The following TLN1 variants were observed in gnomAD, a reference collection of about 807,000 sequenced individuals.
The protein encoded by TLN1 is talin 1.
Under a neutral mutation model 292.3 loss-of-function variants are expected in TLN1, and 56 were observed. The ratio of observed to expected loss-of-function variants is 0.19; its 90% CI spans 0.15 to 0.24. TLN1 has a LOEUF of 0.24. Among genes scored for constraint, TLN1 ranks in the 10% least tolerant of loss-of-function variants. TLN1 has a pLI of 1.00. For missense variants in TLN1, 2,433 were observed against 3,248.2 expected (o/e 0.75, Z 6.10); for synonymous variants, 1,119 against 1,253.7 (o/e 0.89, Z 2.27).
At chr9:35,722,335 A>C (rs868858077) in intron 8 of TLN1, 112 bp from the exon 9 acceptor site, 1 of 926,778 alleles carries the variant, frequency 1.1e-6, no homozygotes, top group Middle Eastern at 2.1e-4. Flanking sequence ...GGAAAGGTTG[A>C]GGAGTACAAG....
chr9:35,707,542 GGAAGT>G lies in TLN1; in HGVS notation c.4633-59_4633-55del. 2 of 1,600,462 alleles carry G rather than the reference GGAAGT, an allele frequency of 1.2e-6. No individual in the cohort carries two copies. On this transcript the variant is annotated intron_variant, in intron 35 of 56. Transcript: ENST00000314888. The surrounding 1 kb of genome is among the most constrained non-coding windows in gnomAD (Gnocchi z 5.6). ...TTGGGATGCAGTCATAGGGGGTATA[GGAAGT>G]GAAGTCCAGGTCTCCTTCCTGGGAC... is the stretch of plus-strand genomic sequence containing the variant.
intron 48 of TLN1, 93 bp downstream of exon 48, chr9:35,703,467 C>T (rs576693314): frequency 3.3e-6 from 4 of 1,202,764 alleles, no homozygotes; most frequent in African/African-American, 3.0e-5. Flanking sequence ...CTGTGTGTGA[C>T]TCCAGCTGTG....
At position 35,706,696 on chromosome 9, in the gene TLN1, AT is replaced by A; in HGVS notation, c.5088+71del. The A allele has an allele frequency of 6.3e-7, 1 of 1,590,994 alleles. No individual in the cohort carries two copies. Among genetic ancestry groups the A allele is most frequent in the Non-Finnish European group, 8.6e-7 (1 of 1,168,556 alleles). On this transcript the variant is annotated intron_variant, in intron 38 of 56. Transcript: ENST00000314888. This position sits in a 1 kb window ranked among gnomAD's most constrained non-coding sequence, Gnocchi z 4.2. ...GATGTCCCTAAGAAGCCACTCCTTG[AT>A]CCCCCAGCTTCTTTGAGTCTGATAT...
chr9:35,729,522 A>T (rs1174932412), intron 1 of TLN1, among the ~76,000 whole-genome samples: 1 of 152,234 alleles, frequency 6.6e-6, no homozygotes, highest in African/African-American at 2.4e-5. Context: ...CTTTGAGCAG[A>T]GAAGAGACAT....
At position 35,700,347 on chromosome 9, in the gene TLN1, C is replaced by G. The variant is rs1825443065; in HGVS notation, c.6504G>C (p.Lys2168Asn). The change falls in exon 49 of 57, where the codon AAG becomes AAC. Residue 2168 changes from lysine (K) to asparagine (N), a missense_variant. Physicochemically the swap from Lys to Asn is moderately conservative, Grantham distance 94 (BLOSUM62 0). Around this residue, in one of 7 missense-constraint regions of TLN1, gnomAD observed 1,384 missense variants for 1,699.6 expected, o/e 0.81. Coordinates refer to ENST00000314888, the MANE Select transcript of TLN1 (RefSeq NM_006289.4). ...AVFCSPEPPA[K>N]TSTPEDFIRM... ...GGATGAAGTCTTCTGGGGTAGAGGT[C>G]TTGGCAGGTGGCTCTGGGGAACAGA... 5 of 1,604,098 alleles carry G rather than the reference C, an allele frequency of 3.1e-6. No individual in the cohort carries two copies. Among genetic ancestry groups the G allele is most frequent in the Non-Finnish European group, 4.3e-6 (5 of 1,171,714 alleles).
At position 35,710,549 on chromosome 9, in the gene TLN1, C is replaced by T. The variant is rs371297242; in HGVS notation, c.4326+12G>A. ...TAGGGGCCATTCAAAGAACCCATCT[C>T]AGGAAAATAACCTGTGCAGCTGCCT... On this transcript the variant is annotated intron_variant, in intron 33 of 56. Coordinates refer to ENST00000314888, the MANE Select transcript of TLN1 (RefSeq NM_006289.4). 1.1e-5 allele frequency: 18 copies of T among 1,608,866 alleles called. No homozygotes were observed. The highest frequency in any genetic ancestry group is 1.5e-5 in the Non-Finnish European group (18 of 1,176,956).
chr9:35,729,869 GA>G (rs1287021913), intron 1 of TLN1, among the ~76,000 whole-genome samples: 2 of 151,496 alleles, frequency 1.3e-5, no homozygotes, highest in Admixed American at 1.3e-4. Flanking sequence ...AGGCTGTGGG[GA>G]AAAAGGGTAT....
chr9:35,712,950 G>T lies in TLN1; in HGVS notation c.3446C>A (p.Ala1149Asp). 2 of 1,610,410 alleles carry T rather than the reference G, an allele frequency of 1.2e-6. No homozygotes were observed. The highest frequency in any genetic ancestry group is 1.7e-6 in the Non-Finnish European group (2 of 1,178,660). Reference protein sequence around the residue: ...AALTSDPAVQAIVLDTASDVL... With the variant: ...AALTSDPAVQDIVLDTASDVL... ...ATCACTGGCCGTATCAAGTACAATG[G>T]CCTGCACTGCAGGATCTGACGTCAG... Residue 1149 changes from alanine (A) to aspartate (D), a missense_variant, in exon 27 of 57, where the codon GCC (alanine) becomes GAC (aspartate). Transcript: ENST00000314888.
chr9:35,713,290 C>A lies in TLN1; in HGVS notation c.3258G>T (p.Lys1086Asn), dbSNP rs768221303. The change falls in exon 26 of 57, where the codon AAG (lysine) becomes AAT (asparagine). Residue 1086 changes from lysine to asparagine, a missense_variant. Lys to Asn is a moderately conservative substitution (Grantham distance 94). Around this residue, in one of 7 missense-constraint regions of TLN1, gnomAD observed 1,384 missense variants for 1,699.6 expected, o/e 0.81. Coordinates refer to ENST00000314888, the MANE Select transcript of TLN1 (RefSeq NM_006289.4). The stretch of plus-strand genomic sequence containing the variant: ...TGCTGTTGCCCAGGTCCTGGGTACA[C>A]TTCTCCATCTAAGGATGAAGGGGGA... ...LKPLPGETME[K>N]CTQDLGNSTK... 7.6e-6 allele frequency: 12 copies of A among 1,589,020 alleles called. No homozygotes were observed. The Middle Eastern group carries it at 1.7e-3, about 221-fold the overall frequency.
rs1344898063 is a variant in TLN1 at position 35,700,256 on chromosome 9, C to T, written c.6595G>A (p.Glu2199Lys). The T allele has an allele frequency of 2.5e-6, 4 of 1,613,494 alleles. No homozygotes were observed. The South Asian group carries it at 4.4e-5, about 18-fold the overall frequency. Reference sequence around the variant, plus strand: ...AGATTGGCTGTGGCAATGACATCTTCCTGGCGACAGGAATTGCCAGCAGCA... The same window carrying T: ...AGATTGGCTGTGGCAATGACATCTTTCTGGCGACAGGAATTGCCAGCAGCA... The part of the protein sequence containing the change: ...AVAAGNSCRQ[E>K]DVIATANLSR... The change falls in exon 49 of 57, where the codon GAA becomes AAA. Residue 2199 changes from glutamate to lysine, a missense_variant. Transcript: ENST00000314888.
chr9:35,721,087 T>G lies in TLN1; in HGVS notation c.1105-174A>C, dbSNP rs146296932. Among the ~76,000 whole-genome samples the G allele has an allele frequency of 2.6e-5, 4 of 152,198 alleles. No homozygotes were observed. The East Asian group carries it at 5.8e-4, about 22-fold the overall frequency. ...CTTTATTTTCTCCTTGGAGGGAAAT[T>G]TTTTACTTCTGAGGAGTGGCCTCTA... On this transcript the variant is annotated intron_variant, in intron 10 of 56. Coordinates refer to ENST00000314888, the MANE Select transcript of TLN1 (RefSeq NM_006289.4).
At chr9:35,722,393 A>C (rs1010019089) in intron 8 of TLN1, among the ~76,000 whole-genome samples, 170 bp from the exon 9 acceptor site, 1 of 152,248 alleles carries the variant, frequency 6.6e-6, no homozygotes, top group Non-Finnish European at 1.5e-5. Flanking sequence ...AGGGCTATGC[A>C]GAAGCGATGA....
intron 7 of TLN1, 25 bp downstream of exon 7, chr9:35,723,927 A>C (rs1185626911): frequency 6.2e-7 from 1 of 1,612,476 alleles, no homozygotes; most frequent in Admixed American, 1.7e-5. Flanking sequence ...GGGCCCTGAC[A>C]GGGTATAGGA....
intron 30 of TLN1, 69 bp from the exon 31 acceptor site, chr9:35,711,151 A>T (rs1457370234): frequency 1.2e-6 from 2 of 1,610,296 alleles, no homozygotes; most frequent in Non-Finnish European, 8.5e-7. Flanking sequence ...GTAAGTATTT[A>T]TCTTTTGCCT....
Position 35,724,499 on chromosome 9 carries a change from G to A in TLN1, c.511+73C>T. The A allele has an allele frequency of 6.3e-7, 1 of 1,578,920 alleles. No individual in the cohort carries two copies. Among genetic ancestry groups the A allele is most frequent in the African/African-American group, 1.4e-5 (1 of 73,636 alleles). On this transcript the variant is annotated intron_variant, in intron 5 of 56. Coordinates refer to ENST00000314888, the MANE Select transcript of TLN1 (RefSeq NM_006289.4). The surrounding 1 kb of genome is among the most constrained non-coding windows in gnomAD (Gnocchi z 4.7). ...ATCCCCAGGGTGTAAAACAGTGCCTGGCAGAAGCAGATGCTGAAGCCCCTT... is the reference window on the plus strand; with the variant it reads ...ATCCCCAGGGTGTAAAACAGTGCCTAGCAGAAGCAGATGCTGAAGCCCCTT...
In TLN1 at chr9:35,703,801, C is replaced by G; in HGVS notation, c.6331G>C (p.Val2111Leu). The G allele has an allele frequency of 6.2e-7, 1 of 1,614,240 alleles. No individual in the cohort carries two copies. Among genetic ancestry groups the G allele is most frequent in the Non-Finnish European group, 8.5e-7 (1 of 1,180,044 alleles). The part of the protein sequence containing the change: ...AAGKVGDDPA[V>L]WQLKNSAKVM... Reference sequence around the variant, plus strand: ...TTGGCAGAGTTCTTTAGCTGCCACACAGCAGGGTCATCTCCAACTTTGCCA... The same window carrying G: ...TTGGCAGAGTTCTTTAGCTGCCACAGAGCAGGGTCATCTCCAACTTTGCCA... Residue 2111 changes from valine to leucine, a missense_variant, in exon 47 of 57, where the codon GTG (valine) becomes CTG (leucine). Val to Leu is a conservative substitution (Grantham distance 32). Transcript: ENST00000314888.
In TLN1 at chr9:35,719,012, C is replaced by CT. The variant is rs1228516782; in HGVS notation, c.1896+61dup. On this transcript the variant is annotated intron_variant, in intron 16 of 56. Coordinates refer to ENST00000314888, the MANE Select transcript of TLN1 (RefSeq NM_006289.4). The surrounding 1 kb of genome is among the most constrained non-coding windows in gnomAD (Gnocchi z 4.6). The stretch of plus-strand genomic sequence containing the variant: ...CCAGGCTTCCATCCTGTGGCTTGGA[C>CT]TGCCCCTTCTCCTTGGGCTTGAACC... The CT allele has an allele frequency of 6.3e-7, 1 of 1,596,294 alleles. No homozygotes were observed. The highest frequency in any genetic ancestry group is 8.6e-7 in the Non-Finnish European group (1 of 1,167,512).
At chr9:35,723,719 A>G (rs552897983) in intron 7 of TLN1, 3 of 537,960 alleles carry the variant, frequency 5.6e-6, no homozygotes, top group African/African-American at 1.9e-5. Flanking sequence ...AAAGAGTGAC[A>G]TGCTTGCTTC....
Position 35,717,071 on chromosome 9 carries a change from C to G in TLN1, c.2458+75G>C. The stretch of plus-strand genomic sequence containing the variant: ...TTCCTTGGGGTGAAGTGGTTAGGTC[C>G]GCAAGGGGATGATGTCCAGTGGGCT... On this transcript the variant is annotated intron_variant, in intron 19 of 56. Transcript: ENST00000314888. This position sits in a 1 kb window ranked among gnomAD's most constrained non-coding sequence, Gnocchi z 4.7. The G allele has an allele frequency of 6.6e-7, 1 of 1,514,168 alleles. No homozygotes were observed. The highest frequency in any genetic ancestry group is 8.9e-7 in the Non-Finnish European group (1 of 1,125,060). 93.8% of individuals were successfully genotyped at this position (1,514,168 alleles called of 1,614,324 possible).
Sources: gnomAD v4.1 joint callset for allele counts (sites outside exome capture counted in the v4.1 genomes callset) on GRCh38, gnomAD v4.1.1 for gene constraint, gnomAD v4.1.1 regional missense constraint, Gnocchi (gnomAD v3.1) non-coding constraint, MANE v1.5 for transcripts, NCBI Gene and HGNC (gene_info 2026-07-23, HGNC 2026-07-21) for gene names.